ZNF782: variants seen among roughly 807,000 people sequenced by gnomAD.
ZNF782 encodes the protein zinc finger protein 782.
In ZNF782, 12 loss-of-function variants were observed where a neutral mutation model predicts 13.0. That is an observed-to-expected ratio of 0.92 (90% confidence interval 0.59 to 1.50). The LOEUF is 1.50. ZNF782 is among the 40% of genes most tolerant of loss of function. ZNF782 has a pLI of 0.00. For missense variants in ZNF782, 770 were observed against 822.9 expected (o/e 0.94, Z 0.79); for synonymous variants, 284 against 283.0 (o/e 1.00, Z -0.04).
At chr9:96,909,855 C>T in the ZNF782 span, among the ~76,000 whole-genome samples, 1 of 151,624 alleles carries the variant, frequency 6.6e-6, no homozygotes, top group Non-Finnish European at 1.5e-5. Context: ...TGAAAAGCCA[C>T]ATATGTCTTA....
chr9:96,847,358 C>A (rs1260562567), intron 3 of ZNF782, among the ~76,000 whole-genome samples: 22 of 151,910 alleles, frequency 1.4e-4, no homozygotes, highest in Admixed American at 7.9e-4. Context: ...AACAAAAAAA[C>A]CCCAAAATAT....
chr9:96,931,932 C>T, the ZNF782 span: 1 of 1,612,014 alleles, frequency 6.2e-7, no homozygotes, highest in South Asian at 1.1e-5. Flanking sequence ...CCAAGTGGGG[C>T]TGGGGCTTCC....
chr9:96,845,517 A>G (rs1851319789), intron 3 of ZNF782, among the ~76,000 whole-genome samples: 1 of 152,222 alleles, frequency 6.6e-6, no homozygotes, highest in Non-Finnish European at 1.5e-5. Flanking sequence ...TTGGCCTCCC[A>G]AAGTGCTGGG....
chr9:96,903,444 G>A, the ZNF782 span, among the ~76,000 whole-genome samples: 1 of 151,354 alleles, frequency 6.6e-6, no homozygotes. Flanking sequence ...TTTACCAGTG[G>A]GAGAAGTTTT....
At position 96,819,181 on chromosome 9, in the gene ZNF782, C is replaced by T. The variant is rs1267549995; in HGVS notation, c.842G>A (p.Cys281Tyr). Residue 281 changes from cysteine (C) to tyrosine (Y), a missense_variant, in exon 6 of 6, where the codon TGT becomes TAT. Physicochemically the swap from Cys to Tyr is radical, Grantham distance 194 (BLOSUM62 -2). Coordinates refer to ENST00000481138, the MANE Select transcript of ZNF782 (RefSeq NM_001001662.3). ...YEFNDTGNCF[C>Y]RITHKTLTGG... ...TGTGAGAGTTTTGTGAGTGATTCTACAGAAACAATTTCCAGTATCATTAAA... is the reference window on the plus strand; with the variant it reads ...TGTGAGAGTTTTGTGAGTGATTCTATAGAAACAATTTCCAGTATCATTAAA... 2 of 1,612,240 alleles carry T rather than the reference C, an allele frequency of 1.2e-6. No individual in the cohort carries two copies. Among genetic ancestry groups the T allele is most frequent in the South Asian group, 1.1e-5 (1 of 90,772 alleles).
chr9:96,891,396 G>GT, the ZNF782 span: 2 of 152,106 alleles, frequency 1.3e-5, no homozygotes, highest in African/African-American at 4.8e-5. Context: ...ACATTTTAAT[G>GT]TAACATTTAC....
chr9:96,818,147 CT>C lies in ZNF782; in HGVS notation c.1875del (p.Ala626LeufsTer8), dbSNP rs1368428066. 1.9e-6 allele frequency: 3 copies of C among 1,613,658 alleles called. No individual in the cohort carries two copies. The African/African-American group carries it at 4.0e-5, about 22-fold the overall frequency. On this transcript the variant is annotated frameshift_variant, in exon 6 of 6. Transcript: ENST00000481138. LOFTEE classifies it low-confidence loss of function (END_TRUNC). ...EKPYECNECG[K>X]AFSEKSVLRK... Reference sequence around the variant, plus strand: ...CTTAGGACTGACTTCTCACTGAAAGCTTTTCCACATTCATTACATTCATAGG... The same window carrying C: ...CTTAGGACTGACTTCTCACTGAAAGCTTTCCACATTCATTACATTCATAGG...
upstream of ZNF782, among the ~76,000 whole-genome samples, chr9:96,878,210 G>A (rs562582254): frequency 3.3e-4 from 50 of 152,202 alleles, no homozygotes; most frequent in Admixed American, 6.5e-4. Flanking sequence ...CACCACGCCC[G>A]GCTAATTGTT....
chr9:96,882,504 T>G, the ZNF782 span, among the ~76,000 whole-genome samples: 1 of 152,198 alleles, frequency 6.6e-6, no homozygotes, highest in South Asian at 2.1e-4. Context: ...TCTTTTCCAT[T>G]GTAAATTAGC....
chr9:96,884,118 G>A, the ZNF782 span, among the ~76,000 whole-genome samples: 1 of 152,194 alleles, frequency 6.6e-6, no homozygotes, highest in Non-Finnish European at 1.5e-5. Context: ...GGTGGTATTG[G>A]CAGGGCCGAG....
the ZNF782 span, chr9:96,910,549 A>C: frequency 8.0e-6 from 1 of 125,354 alleles, no homozygotes; most frequent in Non-Finnish European, 1.6e-5. Context: ...CCCACAGATG[A>C]CACACACTCT....
chr9:96,849,161 G>A (rs767374104), intron 3 of ZNF782, among the ~76,000 whole-genome samples: 4 of 152,186 alleles, frequency 2.6e-5, no homozygotes, highest in Admixed American at 1.3e-4. Context: ...ATGGACCAGC[G>A]GTGGTGGGGT....
intron 3 of ZNF782, among the ~76,000 whole-genome samples, chr9:96,851,109 G>A (rs1205999850): frequency 6.6e-6 from 1 of 151,676 alleles, no homozygotes. Flanking sequence ...TTGTCTCTCT[G>A]TACATCTATA....
At chr9:96,916,506 A>T in the ZNF782 span, among the ~76,000 whole-genome samples, 1 of 151,900 alleles carries the variant, frequency 6.6e-6, no homozygotes, top group Non-Finnish European at 1.5e-5. Flanking sequence ...AAAAAAAAGA[A>T]GTTCTTTCTG....
chr9:96,817,625 G>A lies in ZNF782; in HGVS notation c.*298C>T. 3.8e-6 allele frequency: 1 copy of A among 262,686 alleles called. No homozygotes were observed. Among genetic ancestry groups the A allele is most frequent in the East Asian group, 7.1e-5 (1 of 14,014 alleles). 16.3% of individuals were successfully genotyped at this position (262,686 alleles called of 1,614,324 possible). On this transcript the variant is annotated 3_prime_UTR_variant, in exon 6 of 6. Coordinates refer to ENST00000481138, the MANE Select transcript of ZNF782 (RefSeq NM_001001662.3). ...TACTTTCTCAGAGCTTTTCTGCAGC[G>A]TGAGTTTTCTGAGGAGTGAGTTCGC... is the stretch of plus-strand genomic sequence containing the variant.
intron 1 of ZNF782, among the ~76,000 whole-genome samples, chr9:96,872,853 G>C (rs964974963): frequency 1.3e-5 from 2 of 152,148 alleles, no homozygotes; most frequent in African/African-American, 4.8e-5. Context: ...AAGCATGTTA[G>C]AATATAAAAT....
chr9:96,846,032 T>C (rs750279034), intron 3 of ZNF782, among the ~76,000 whole-genome samples: 3 of 152,100 alleles, frequency 2.0e-5, no homozygotes, highest in Non-Finnish European at 2.9e-5. Context: ...AAAGAAGGGA[T>C]TGGGGGTCCT....
Position 96,836,241 on chromosome 9 carries a change from C to G in ZNF782, c.142+8649G>C, listed in dbSNP as rs1240622364. Among the ~76,000 whole-genome samples, 6 of 137,544 alleles carry G rather than the reference C, an allele frequency of 4.4e-5. No individual in the cohort carries two copies. The East Asian group carries it at 1.3e-3, about 30-fold the overall frequency. The allele number at this position is 137,544 out of a possible 152,430, so 90.2% of individuals were successfully genotyped here. On this transcript the variant is annotated intron_variant, in intron 4 of 5. Coordinates refer to ENST00000481138, the MANE Select transcript of ZNF782 (RefSeq NM_001001662.3). ...TTTTTTTTTTTTTTTGAGACCAAGT[C>G]TTGCTCTGTTGCCCAGGCTGGAGTG...
the ZNF782 span, among the ~76,000 whole-genome samples, chr9:96,900,074 C>T: frequency 1.3e-5 from 2 of 152,018 alleles, no homozygotes; most frequent in Non-Finnish European, 2.9e-5. Flanking sequence ...GCTGGGATTA[C>T]AGGCGTGAGC....
Sources: allele counts gnomAD v4.1 joint callset (sites outside exome capture counted in the v4.1 genomes callset), GRCh38; gene constraint gnomAD v4.1.1; transcripts MANE v1.5; gene names NCBI Gene and HGNC (gene_info 2026-07-23, HGNC 2026-07-21).